Variants in STRN3 observed in about 807,000 individuals in gnomAD.
STRN3 encodes striatin-3.
In STRN3, 29 loss-of-function variants were observed where a neutral mutation model predicts 95.6. The ratio of observed to expected loss-of-function variants is 0.30; its 90% CI spans 0.23 to 0.41. The LOEUF is 0.41. STRN3 is among the 10% of genes least tolerant of loss of function. The pLI is 1.00. For missense variants in STRN3, 890 were observed against 972.1 expected (o/e 0.92, Z 1.12); for synonymous variants, 331 against 357.6 (o/e 0.93, Z 0.84).
At chr14:30,958,179 A>G (rs1880014357) in intron 1 of STRN3, among the ~76,000 whole-genome samples, 1 of 150,988 alleles carries the variant, frequency 6.6e-6, no homozygotes, top group African/African-American at 2.4e-5. Context: ...CAGGCGTGGT[A>G]GCATGTTCCT....
chr14:30,925,496 TAGA>T (rs1417374419), intron 8 of STRN3, among the ~76,000 whole-genome samples: 1 of 152,184 alleles, frequency 6.6e-6, no homozygotes, highest in African/African-American at 2.4e-5. Flanking sequence ...GAAAAATCTG[TAGA>T]AGCTTATGCT....
intron 1 of STRN3, among the ~76,000 whole-genome samples, chr14:30,962,786 G>T (rs1023729829): frequency 6.6e-6 from 1 of 151,934 alleles, no homozygotes; most frequent in Non-Finnish European, 1.5e-5. Context: ...TCCCTCCTCA[G>T]CCTCCCAGAG....
intron 1 of STRN3, among the ~76,000 whole-genome samples, chr14:31,003,796 TAAA>T (rs35951887): frequency 1.7e-5 from 2 of 115,478 alleles, no homozygotes; most frequent in African/African-American, 3.3e-5. Context: ...ACATCTTTCT[TAAA>T]AAAAAAAAAA....
intron 1 of STRN3, among the ~76,000 whole-genome samples, chr14:31,014,476 TC>T (rs1379477552): frequency 6.6e-6 from 1 of 152,138 alleles, no homozygotes; most frequent in South Asian, 2.1e-4. Flanking sequence ...TGCCTCAGCC[TC>T]CAAAAGTGCT....
At chr14:30,929,387 C>T in intron 7 of STRN3, 76 bp from the exon 8 acceptor site, 1 of 1,085,624 alleles carries the variant, frequency 9.2e-7, no homozygotes, top group Non-Finnish European at 1.4e-6. Context: ...ACTGTTATAG[C>T]TTTACATAAT....
At chr14:31,002,652 A>AAG (rs1882520761) in intron 1 of STRN3, among the ~76,000 whole-genome samples, 1 of 151,458 alleles carries the variant, frequency 6.6e-6, no homozygotes, top group Non-Finnish European at 1.5e-5. Context: ...AAAAAGAAAA[A>AAG]AAAAAAAGGA....
chr14:30,990,917 T>G (rs531260162), intron 1 of STRN3, among the ~76,000 whole-genome samples: 14 of 152,316 alleles, frequency 9.2e-5, no homozygotes, highest in Non-Finnish European at 1.5e-4. Flanking sequence ...TTCTTTTCCT[T>G]GAATATTTAT....
chr14:31,002,597 C>T (rs1395592003), intron 1 of STRN3, among the ~76,000 whole-genome samples: 2 of 150,584 alleles, frequency 1.3e-5, no homozygotes, highest in African/African-American at 2.5e-5. Flanking sequence ...GCCAAGATCA[C>T]GCCACTGCAC....
chr14:31,012,447 G>GT (rs1209238493), intron 1 of STRN3, among the ~76,000 whole-genome samples: 1 of 152,194 alleles, frequency 6.6e-6, no homozygotes, highest in Non-Finnish European at 1.5e-5. Context: ...ACACAACAGA[G>GT]TTTGAGGCAG....
In STRN3 at chr14:30,922,277, C is replaced by T. The variant is rs565249694; in HGVS notation, c.1100-3171G>A. 9.7e-4 allele frequency among the ~76,000 whole-genome samples: 147 copies of T among 152,128 alleles called. No homozygotes were observed. In the Middle Eastern group the frequency reaches 0.014, roughly 14 times the overall value. On this transcript the variant is annotated intron_variant, in intron 8 of 17. Transcript: ENST00000357479. Reference sequence around the variant, plus strand: ...TCCTGGGGTCAAGCAATCCTCTCTCCTAAGCATCCCAAAGTGCTAGGATTG... The same window carrying T: ...TCCTGGGGTCAAGCAATCCTCTCTCTTAAGCATCCCAAAGTGCTAGGATTG...
chr14:30,936,668 G>A, intron 5 of STRN3, 44 bp from the exon 6 acceptor site: 2 of 1,570,930 alleles, frequency 1.3e-6, no homozygotes, highest in Middle Eastern at 1.7e-4. Flanking sequence ...TCCAATGGTT[G>A]GTTCTAATAT....
chr14:31,013,829 A>C (rs1883086961), intron 1 of STRN3, among the ~76,000 whole-genome samples: 1 of 149,040 alleles, frequency 6.7e-6, no homozygotes, highest in African/African-American at 2.5e-5. Flanking sequence ...TCCTGGCCTC[A>C]ACCAATCTTC....
intron 3 of STRN3, among the ~76,000 whole-genome samples, chr14:30,955,175 G>A (rs532018462): frequency 6.6e-6 from 1 of 152,246 alleles, no homozygotes; most frequent in Admixed American, 6.6e-5. Flanking sequence ...AATTTTATAT[G>A]TATGACAACA....
intron 4 of STRN3, among the ~76,000 whole-genome samples, chr14:30,948,255 G>A (rs1343247502): frequency 6.6e-6 from 1 of 152,130 alleles, no homozygotes; most frequent in Non-Finnish European, 1.5e-5. Flanking sequence ...ACCATATAGT[G>A]TCTATAAAAA....
chr14:31,005,363 G>T (rs762842321), intron 1 of STRN3, among the ~76,000 whole-genome samples: 1 of 152,160 alleles, frequency 6.6e-6, no homozygotes, highest in African/African-American at 2.4e-5. Context: ...GGAGGGGAGG[G>T]AAGGAGCAAG....
chr14:30,987,726 A>G (rs964529919), intron 1 of STRN3, among the ~76,000 whole-genome samples: 1 of 150,762 alleles, frequency 6.6e-6, no homozygotes, highest in African/African-American at 2.5e-5. Context: ...TCTTACATTC[A>G]ATCAGTTGAA....
chr14:31,001,951 G>A (rs1231322956), intron 1 of STRN3, among the ~76,000 whole-genome samples: 1 of 151,690 alleles, frequency 6.6e-6, no homozygotes, highest in South Asian at 2.1e-4. Flanking sequence ...GATCACCTGA[G>A]GTCGGGAGTT....
At chr14:31,001,633 TC>T (rs1168824268) in intron 1 of STRN3, among the ~76,000 whole-genome samples, 1 of 151,992 alleles carries the variant, frequency 6.6e-6, no homozygotes, top group Non-Finnish European at 1.5e-5. Flanking sequence ...CAAGTAAAAC[TC>T]GGTCGTACCA....
chr14:30,941,977 A>C (rs1428155114), intron 5 of STRN3, among the ~76,000 whole-genome samples: 1 of 152,162 alleles, frequency 6.6e-6, no homozygotes, highest in Non-Finnish European at 1.5e-5. Context: ...CCCCTATTTA[A>C]ACCTCACTGA....
Sources: allele counts gnomAD v4.1 joint callset (sites outside exome capture counted in the v4.1 genomes callset), GRCh38; gene constraint gnomAD v4.1.1; transcripts MANE v1.5; gene names NCBI Gene and HGNC (gene_info 2026-07-23, HGNC 2026-07-21).